The following ZW10 variants were observed in gnomAD, a reference collection of about 807,000 sequenced individuals.
The protein encoded by ZW10 is zw10 kinetochore protein.
A neutral mutation model predicts 87.8 loss-of-function variants in ZW10; 53 were observed. That is an observed-to-expected ratio of 0.60 (90% CI 0.48 to 0.76). The LOEUF (loss-of-function observed/expected upper bound fraction) is 0.76. ZW10 is among the 30% of genes least tolerant of loss of function. The probability of loss-of-function intolerance (pLI) is 0.00; values close to 1 mark genes in which losing one functional copy is unlikely to be tolerated. For missense variants in ZW10, 837 were observed against 923.0 expected, an observed-to-expected ratio of 0.91 and a Z score of 1.21; for synonymous variants, 312 against 329.2, an observed-to-expected ratio of 0.95 and a Z score of 0.57.
intron 15 of ZW10, 68 bp downstream of exon 15, chr11:113,736,552 A>G (rs1414941040): frequency 2.0e-6 from 3 of 1,510,600 alleles, no homozygotes; most frequent in Non-Finnish European, 2.8e-6. Context: ...AAGCCCTGCT[A>G]TCAAGGGCAC....
At chr11:113,736,562 C>T in intron 15 of ZW10, 58 bp downstream of exon 15, 2 of 1,550,540 alleles carry the variant, frequency 1.3e-6, no homozygotes, top group South Asian at 2.2e-5. Context: ...ATCAAGGGCA[C>T]TATTACTCTC....
intron 11 of ZW10, among the ~76,000 whole-genome samples, chr11:113,740,742 A>C (rs1953606462): frequency 1.3e-5 from 2 of 152,226 alleles, no homozygotes; most frequent in South Asian, 4.1e-4. Flanking sequence ...TAAAAATCCA[A>C]GCCCCATTCC....
At position 113,736,682 on chromosome 11, in the gene ZW10, T is replaced by C; in HGVS notation, c.2157A>G (p.Lys719=). ...YQEEVPVYVP[K]WMPFKELMMM... Reference sequence around the variant, plus strand: ...TCATCAATTCCTTGAATGGCATCCATTTTGGCACATAGACTGGAACCTCTT... The same window carrying C: ...TCATCAATTCCTTGAATGGCATCCACTTTGGCACATAGACTGGAACCTCTT... Residue 719 remains lysine, a synonymous_variant, in exon 15 of 16, where the codon AAA becomes AAG. Coordinates refer to ENST00000200135, the MANE Select transcript of ZW10 (RefSeq NM_004724.4). 1 of 1,614,212 alleles carries C rather than the reference T, an allele frequency of 6.2e-7. No individual in the cohort carries two copies. The highest frequency in any genetic ancestry group is 8.5e-7 in the Non-Finnish European group (1 of 1,180,040).
At chr11:113,760,393 T>A in intron 4 of ZW10, 25 bp from the exon 5 acceptor site, 1 of 1,612,332 alleles carries the variant, frequency 6.2e-7, no homozygotes, top group Non-Finnish European at 8.5e-7. Context: ...GAATCACTGT[T>A]AAACATTCCA....
chr11:113,739,386 G>C lies in ZW10; in HGVS notation c.1584-4C>G. The C allele has an allele frequency of 1.3e-6, 2 of 1,583,884 alleles. No individual in the cohort carries two copies. The highest frequency in any genetic ancestry group is 1.7e-6 in the Non-Finnish European group (2 of 1,166,062). Reference sequence around the variant, plus strand: ...GGGAAGTTTTTGAAGGTTCTCCCTAGGCCAGAAGGAGGGGTAGAAAAACAA... The same window carrying C: ...GGGAAGTTTTTGAAGGTTCTCCCTACGCCAGAAGGAGGGGTAGAAAAACAA... On this transcript the variant is annotated splice_polypyrimidine_tract_variant and splice_region_variant and intron_variant, in intron 11 of 15. Transcript: ENST00000200135.
intron 6 of ZW10, 71 bp downstream of exon 6, chr11:113,758,483 C>G: frequency 6.8e-7 from 1 of 1,461,088 alleles, no homozygotes; most frequent in Admixed American, 1.9e-5. Context: ...ATTTTATCAT[C>G]TTTTCTGTCT....
intron 7 of ZW10, among the ~76,000 whole-genome samples, chr11:113,756,705 A>G (rs757656678): frequency 9.9e-5 from 15 of 152,230 alleles, no homozygotes; most frequent in Non-Finnish European, 1.6e-4. Flanking sequence ...CAATTGATGG[A>G]ATATTATAGA....
At chr11:113,760,750 A>G in intron 3 of ZW10, 67 bp downstream of exon 3, 1 of 1,405,442 alleles carries the variant, frequency 7.1e-7, no homozygotes, top group South Asian at 1.2e-5. Context: ...TATAGTCAGG[A>G]GATAGCCATT....
intron 7 of ZW10, among the ~76,000 whole-genome samples, chr11:113,754,758 A>T (rs577414267): frequency 6.6e-6 from 1 of 152,022 alleles, no homozygotes; most frequent in African/African-American, 2.4e-5. Context: ...TGCCTGGCTA[A>T]TTTTTTATTT....
At chr11:113,753,888 A>C (rs1239824211) in intron 7 of ZW10, among the ~76,000 whole-genome samples, 1 of 152,238 alleles carries the variant, frequency 6.6e-6, no homozygotes, top group Non-Finnish European at 1.5e-5. Context: ...GAGTTTGAAG[A>C]AAAGAAGCTG....
intron 9 of ZW10, among the ~76,000 whole-genome samples, chr11:113,746,159 G>A (rs913863224): frequency 1.3e-5 from 2 of 152,138 alleles, no homozygotes; most frequent in Non-Finnish European, 2.9e-5. Flanking sequence ...CTGCTGAGAC[G>A]TCCTGACCTA....
chr11:113,767,644 A>G (rs1488625078), intron 2 of ZW10, among the ~76,000 whole-genome samples: 3 of 152,242 alleles, frequency 2.0e-5, no homozygotes, highest in African/African-American at 7.2e-5. Context: ...CAAGCAGAAT[A>G]GGATTCCGGA....
chr11:113,734,766 C>T (rs1953529639), intron 15 of ZW10, among the ~76,000 whole-genome samples: 1 of 151,432 alleles, frequency 6.6e-6, no homozygotes, highest in Non-Finnish European at 1.5e-5. Context: ...TATCACACCA[C>T]TGCACTCCAG....
chr11:113,764,739 T>C (rs932590551), intron 2 of ZW10, among the ~76,000 whole-genome samples: 1 of 152,196 alleles, frequency 6.6e-6, no homozygotes, highest in African/African-American at 2.4e-5. Flanking sequence ...CACTTGTATA[T>C]GTGGTCTGTG....
intron 7 of ZW10, among the ~76,000 whole-genome samples, chr11:113,753,187 C>T (rs1486659523): frequency 6.6e-6 from 1 of 152,066 alleles, no homozygotes; most frequent in Non-Finnish European, 1.5e-5. Context: ...CCATCCCCCA[C>T]CCTCCAATAG....
chr11:113,759,704 A>G (rs572562887), intron 5 of ZW10, among the ~76,000 whole-genome samples: 1 of 152,180 alleles, frequency 6.6e-6, no homozygotes, highest in African/African-American at 2.4e-5. Context: ...AGCACTCCCT[A>G]GCTCATTATT....
intron 7 of ZW10, among the ~76,000 whole-genome samples, chr11:113,750,755 C>T (rs970089465): frequency 2.6e-5 from 4 of 152,176 alleles, no homozygotes; most frequent in Admixed American, 2.0e-4. Flanking sequence ...GTGATTTTAA[C>T]AGGACCTGAA....
rs1229686659 is a variant in ZW10 at position 113,755,961 on chromosome 11, G to A, written c.925+1701C>T. Among the ~76,000 whole-genome samples, 11 of 152,308 alleles carry A rather than the reference G, an allele frequency of 7.2e-5. No homozygotes were observed. The East Asian group carries it at 2.1e-3, about 29-fold the overall frequency. On this transcript the variant is annotated intron_variant, in intron 7 of 15. Coordinates refer to ENST00000200135, the MANE Select transcript of ZW10 (RefSeq NM_004724.4). ...GCTATAGCACACTTAATAGACAACAGTACAGTGTAACTATAACTTTTATAT... is the reference window on the plus strand; with the variant it reads ...GCTATAGCACACTTAATAGACAACAATACAGTGTAACTATAACTTTTATAT...
chr11:113,760,595 AAAGTT>A lies in ZW10; in HGVS notation c.343-10_343-6del, dbSNP rs1281978883. 4 of 1,600,512 alleles carry A rather than the reference AAAGTT, an allele frequency of 2.5e-6. No individual in the cohort carries two copies. Among genetic ancestry groups the A allele is most frequent in the Non-Finnish European group, 3.4e-6 (4 of 1,168,642 alleles). ...TTCTTCAATAGCAGTGGAAAACTGA[AAAGTT>A]AAGTATAATATTTTATACATCCTAT... is the stretch of plus-strand genomic sequence containing the variant. On this transcript the variant is annotated splice_polypyrimidine_tract_variant and splice_region_variant and intron_variant, in intron 3 of 15. Transcript: ENST00000200135.
Sources: allele counts gnomAD v4.1 joint callset (sites outside exome capture counted in the v4.1 genomes callset), GRCh38; gene constraint gnomAD v4.1.1; transcripts MANE v1.5; gene names NCBI Gene and HGNC (gene_info 2026-07-23, HGNC 2026-07-21).